RAP1GDS1: variants seen among roughly 807,000 people sequenced by gnomAD.
The protein encoded by RAP1GDS1 is Rap1 GTPase-GDP dissociation stimulator 1, also known as RAP1, GTP-GDP dissociation stimulator 1.
RAP1GDS1 carries 35 observed loss-of-function variants against 71.1 expected under a neutral mutation model. The observed-to-expected ratio is 0.49, with a 90% CI of 0.38 to 0.65. RAP1GDS1 has a LOEUF of 0.65. Ranked by LOEUF, RAP1GDS1 falls within the 30% of genes least tolerant of loss-of-function variation. The pLI, the probability that RAP1GDS1 is intolerant of heterozygous loss-of-function variation, is 0.00. For missense variants in RAP1GDS1, 663 were observed against 706.1 expected (o/e 0.94, Z 0.69); for synonymous variants, 229 against 243.1 (o/e 0.94, Z 0.54).
At chr4:98,420,282 T>C (rs1349149136) in intron 11 of RAP1GDS1, 138 bp downstream of exon 11, 3 of 674,460 alleles carry the variant, frequency 4.4e-6, no homozygotes, top group Non-Finnish European at 6.2e-6. Flanking sequence ...AAAGTTGGTT[T>C]TGGAACTCCA....
intron 1 of RAP1GDS1, among the ~76,000 whole-genome samples, chr4:98,286,333 A>T (rs1454383182): frequency 6.6e-6 from 1 of 151,924 alleles, no homozygotes; most frequent in Non-Finnish European, 1.5e-5. Flanking sequence ...TCGCATCCAG[A>T]CACAATGTAT....
intron 1 of RAP1GDS1, among the ~76,000 whole-genome samples, chr4:98,264,624 A>C (rs1231578075): frequency 6.6e-6 from 1 of 152,188 alleles, no homozygotes; most frequent in Non-Finnish European, 1.5e-5. Context: ...TTATAATCTT[A>C]GCAGGAACAA....
intron 5 of RAP1GDS1, chr4:98,387,488 T>C: frequency 2.2e-6 from 1 of 456,034 alleles, no homozygotes; most frequent in South Asian, 1.5e-5. Flanking sequence ...TTGGAACCAT[T>C]GAAATTCAAA....
chr4:98,391,429 G>A (rs1246165292), intron 5 of RAP1GDS1, among the ~76,000 whole-genome samples: 1 of 151,822 alleles, frequency 6.6e-6, no homozygotes, highest in Non-Finnish European at 1.5e-5. Context: ...GAACACTCTG[G>A]TTGCAAATAT....
intron 12 of RAP1GDS1, among the ~76,000 whole-genome samples, chr4:98,431,830 G>A (rs755566701): frequency 6.6e-6 from 1 of 152,154 alleles, no homozygotes; most frequent in Non-Finnish European, 1.5e-5. Context: ...TGACGAATAC[G>A]ATGTTTTATC....
intron 2 of RAP1GDS1, chr4:98,296,831 C>T: frequency 3.1e-6 from 1 of 327,236 alleles, no homozygotes; most frequent in Non-Finnish European, 5.9e-6. Context: ...GCAAGAGAAA[C>T]TATTAGTTTA....
At chr4:98,342,151 G>A (rs72688414) in intron 2 of RAP1GDS1, among the ~76,000 whole-genome samples, 8 of 152,140 alleles carry the variant, frequency 5.3e-5, no homozygotes, top group Non-Finnish European at 1.0e-4. Context: ...AATATGTTAC[G>A]TACTTTTTTG....
chr4:98,390,002 C>T (rs777762452), intron 5 of RAP1GDS1, among the ~76,000 whole-genome samples: 1 of 152,100 alleles, frequency 6.6e-6, no homozygotes, highest in Non-Finnish European at 1.5e-5. Context: ...CGCTAGTGCT[C>T]ACGCTTACAT....
chr4:98,409,685 C>A, intron 7 of RAP1GDS1: 1 of 415,836 alleles, frequency 2.4e-6, no homozygotes, highest in Non-Finnish European at 4.8e-6. Flanking sequence ...TCTGTTCCAC[C>A]TAGAGAAGCG....
intron 4 of RAP1GDS1, among the ~76,000 whole-genome samples, chr4:98,362,340 G>T (rs1405385485): frequency 1.3e-5 from 2 of 152,126 alleles, no homozygotes; most frequent in Non-Finnish European, 2.9e-5. Flanking sequence ...AGCTGTGCAT[G>T]ATGGAGCACT....
At chr4:98,422,523 C>T (rs1250444836) in intron 12 of RAP1GDS1, among the ~76,000 whole-genome samples, 4 of 152,130 alleles carry the variant, frequency 2.6e-5, no homozygotes, top group Non-Finnish European at 5.9e-5. Context: ...GCCTTTAATA[C>T]TGTTTTCTAA....
chr4:98,350,708 C>T (rs1477907088), intron 3 of RAP1GDS1, among the ~76,000 whole-genome samples: 1 of 152,244 alleles, frequency 6.6e-6, no homozygotes, highest in East Asian at 1.9e-4. Context: ...TGTGGTGGCA[C>T]TTGCCTGTAG....
intron 2 of RAP1GDS1, 127 bp downstream of exon 2, chr4:98,293,642 C>G (rs2110280789): frequency 1.4e-6 from 1 of 697,940 alleles, no homozygotes; most frequent in East Asian, 2.9e-5. Context: ...AATCATATCC[C>G]TGAATACTGA....
At chr4:98,290,676 G>A (rs978880887) in intron 1 of RAP1GDS1, among the ~76,000 whole-genome samples, 4 of 152,090 alleles carry the variant, frequency 2.6e-5, no homozygotes, top group African/African-American at 9.7e-5. Context: ...ATAGCTGTTT[G>A]TCTTTAACAG....
intron 1 of RAP1GDS1, among the ~76,000 whole-genome samples, chr4:98,276,546 T>C (rs1724229909): frequency 6.6e-6 from 1 of 152,042 alleles, no homozygotes; most frequent in Non-Finnish European, 1.5e-5. Flanking sequence ...GATGGCTTTC[T>C]CTTATTTTTC....
intron 4 of RAP1GDS1, among the ~76,000 whole-genome samples, chr4:98,362,062 C>T (rs1560902028): frequency 6.6e-6 from 1 of 152,008 alleles, no homozygotes; most frequent in Non-Finnish European, 1.5e-5. Flanking sequence ...TGAAAACATT[C>T]GATTATGTCT....
intron 7 of RAP1GDS1, among the ~76,000 whole-genome samples, chr4:98,412,768 G>A (rs1314049381): frequency 6.6e-6 from 1 of 152,036 alleles, no homozygotes; most frequent in African/African-American, 2.4e-5. Flanking sequence ...GCCTCCAGGG[G>A]TGACATCACA....
At chr4:98,368,127 C>T (rs1392299240) in intron 4 of RAP1GDS1, among the ~76,000 whole-genome samples, 2 of 152,092 alleles carry the variant, frequency 1.3e-5, no homozygotes, top group Non-Finnish European at 1.5e-5. Context: ...CTGTGCTGTT[C>T]TCATGATAGT....
chr4:98,425,988 C>T (rs1465506036), intron 12 of RAP1GDS1, among the ~76,000 whole-genome samples: 1 of 152,086 alleles, frequency 6.6e-6, no homozygotes, highest in Non-Finnish European at 1.5e-5. Flanking sequence ...AAACAAGCCT[C>T]AATAAATTTT....
Sources: gnomAD v4.1 joint callset for allele counts (sites outside exome capture counted in the v4.1 genomes callset) on GRCh38, gnomAD v4.1.1 for gene constraint, MANE v1.5 for transcripts, NCBI Gene and HGNC (gene_info 2026-07-23, HGNC 2026-07-21) for gene names.